Variants in SH2D7 observed in about 807,000 individuals in gnomAD.
The protein encoded by SH2D7 is SH2 domain containing 7, also known as SH2 domain-containing protein 7.
Under a neutral mutation model 40.8 loss-of-function variants are expected in SH2D7, and 32 were observed. The ratio of observed to expected loss-of-function variants is 0.78; its 90% CI spans 0.59 to 1.05. SH2D7 has a LOEUF of 1.05. SH2D7 is among the 50% of genes least tolerant of loss of function. SH2D7 has a pLI of 0.00. For synonymous variants in SH2D7, 195 were observed against 221.5 expected (o/e 0.88, Z 1.06); for missense variants, 559 against 566.6 (o/e 0.99, Z 0.14).
chr15:78,100,303 C>A (rs1009295736), intron 4 of SH2D7, among the ~76,000 whole-genome samples: 2 of 152,080 alleles, frequency 1.3e-5, no homozygotes, highest in Non-Finnish European at 2.9e-5. Flanking sequence ...GGGTTTGGGG[C>A]CACTGAGGGA....
rs533132445 is a variant in SH2D7 at position 78,093,754 on chromosome 15, A to C, written c.177-358A>C. On this transcript the variant is annotated intron_variant, in intron 1 of 5. Coordinates refer to ENST00000328828, the MANE Select transcript of SH2D7 (RefSeq NM_001101404.2). ...CTCCCCACTAAACCTCAACATCTCC[A>C]GCTGTGTGGATTTATTCTTGCTACA... Among the ~76,000 whole-genome samples, 17 of 152,346 alleles carry C rather than the reference A, an allele frequency of 1.1e-4. No individual in the cohort carries two copies. In the South Asian group the frequency reaches 3.1e-3, roughly 28 times the overall value.
At chr15:78,098,749 C>T (rs2073992940) in intron 4 of SH2D7, among the ~76,000 whole-genome samples, 153 bp downstream of exon 4, 1 of 152,222 alleles carries the variant, frequency 6.6e-6, no homozygotes, top group Non-Finnish European at 1.5e-5. Context: ...TTGGAATCAC[C>T]CAGGGTTCAC....
rs115168346 is a variant in SH2D7 at position 78,095,882 on chromosome 15, G to A, written c.266+1681G>A. Among the ~76,000 whole-genome samples the A allele has an allele frequency of 3.7e-3, 558 of 151,576 alleles. 2 individuals are homozygous for A. The highest frequency in any genetic ancestry group is 0.012 in the African/African-American group (513 of 41,166). On this transcript the variant is annotated intron_variant, in intron 2 of 5. Coordinates refer to ENST00000328828, the MANE Select transcript of SH2D7 (RefSeq NM_001101404.2). The stretch of plus-strand genomic sequence containing the variant: ...TTTGGAGACAGAGTCTCGCTCTCTC[G>A]CTCTGGCTGGAGTGCAGTGGCGCGA...
At chr15:78,098,730 G>A (rs931390738) in intron 4 of SH2D7, 134 bp downstream of exon 4, 12 of 1,069,150 alleles carry the variant, frequency 1.1e-5, no homozygotes, top group South Asian at 6.3e-5. Flanking sequence ...CCAGAGGTGC[G>A]GACCCAGCTT....
chr15:78,094,711 C>T (rs114879281), intron 2 of SH2D7, among the ~76,000 whole-genome samples: 1,657 of 152,198 alleles, frequency 0.011, 27 homozygotes, highest in African/African-American at 0.037. Context: ...AGTCTGTAGA[C>T]CATGAAGGAT....
chr15:78,102,991 A>G (rs540641413), intron 5 of SH2D7, among the ~76,000 whole-genome samples: 16 of 152,156 alleles, frequency 1.1e-4, no homozygotes, highest in East Asian at 5.8e-4. Context: ...GCAGCCTTTG[A>G]GATCCTCACT....
chr15:78,091,251 G>C (rs2073939011), upstream of SH2D7: 1 of 152,056 alleles, frequency 6.6e-6, no homozygotes, highest in Admixed American at 6.6e-5. Context: ...TTTAAGCAGG[G>C]GAAATGACAA....
intron 2 of SH2D7, among the ~76,000 whole-genome samples, chr15:78,097,546 T>C (rs1045042925): frequency 6.6e-6 from 1 of 152,196 alleles, no homozygotes. Flanking sequence ...TCATTGTGGA[T>C]TTTTTTCATA....
intron 2 of SH2D7, 104 bp from the exon 3 acceptor site, chr15:78,097,825 G>C: frequency 6.9e-7 from 1 of 1,446,976 alleles, no homozygotes; most frequent in Admixed American, 2.3e-5. Context: ...TCTGGATCAA[G>C]AGCTGGGACC....
At chr15:78,097,901 C>T (rs2141871880) in intron 2 of SH2D7, 28 bp from the exon 3 acceptor site, 2 of 1,608,534 alleles carry the variant, frequency 1.2e-6, no homozygotes, top group East Asian at 2.2e-5. Flanking sequence ...TGACCAGCAG[C>T]CCCAGACCAC....
At chr15:78,101,641 A>G (rs1596342709) in intron 5 of SH2D7, 83 bp downstream of exon 5, 1 of 1,435,000 alleles carries the variant, frequency 7.0e-7, no homozygotes, top group African/African-American at 1.4e-5. Flanking sequence ...CCCCAGGCAT[A>G]GGCAGGTCAG....
At chr15:78,099,148 C>CT (rs2073995880) in intron 4 of SH2D7, among the ~76,000 whole-genome samples, 1 of 152,034 alleles carries the variant, frequency 6.6e-6, no homozygotes, top group Non-Finnish European at 1.5e-5. Flanking sequence ...ACCCGAGGAG[C>CT]TGGGATTACA....
intron 4 of SH2D7, among the ~76,000 whole-genome samples, 192 bp from the exon 5 acceptor site, chr15:78,100,707 C>T (rs560244156): frequency 6.6e-6 from 1 of 151,644 alleles, no homozygotes. Context: ...AAAAAACAAA[C>T]AAAAAAAAGA....
upstream of SH2D7, among the ~76,000 whole-genome samples, chr15:78,090,623 C>CCATCATCATCAT (rs59098608): frequency 1.9e-4 from 28 of 146,340 alleles, no homozygotes; most frequent in Non-Finnish European, 4.0e-4. Context: ...TCTTGCATCA[C>CCATCATCATCAT]CATCATCATC....
Position 78,097,939 on chromosome 15 carries a change from C to A in SH2D7, c.277C>A (p.Arg93Ser). 1 of 1,613,656 alleles carries A rather than the reference C, an allele frequency of 6.2e-7. No individual in the cohort carries two copies. The highest frequency in any genetic ancestry group is 8.5e-7 in the Non-Finnish European group (1 of 1,179,696). The change falls in exon 3 of 6, where the codon CGC becomes AGC. Residue 93 changes from arginine to serine, a missense_variant. By Grantham distance (110) the Arg-to-Ser change is moderately radical (BLOSUM62 -1). Coordinates refer to ENST00000328828, the MANE Select transcript of SH2D7 (RefSeq NM_001101404.2). ...GYILSYRGSD[R>S]CRHFVINQLR... Reference sequence around the variant, plus strand: ...GCACTTGTGTTGCAGGGGCAGTGATCGCTGCCGACATTTTGTCATCAACCA... The same window carrying A: ...GCACTTGTGTTGCAGGGGCAGTGATAGCTGCCGACATTTTGTCATCAACCA...
Position 78,103,722 on chromosome 15 carries a change from T to C in SH2D7, c.*207T>C. The C allele has an allele frequency of 1.0e-5, 6 of 584,788 alleles. No homozygotes were observed. The South Asian group carries it at 1.1e-4, about 11-fold the overall frequency. The allele number at this position is 584,788 out of a possible 1,614,324, so 36.2% of individuals were successfully genotyped here. ...TGCAGGTGCCTGCAGCTCCTGGCTATGTCCTGCTTTCCTTGTGCCTCCCAT... is the reference window on the plus strand; with the variant it reads ...TGCAGGTGCCTGCAGCTCCTGGCTACGTCCTGCTTTCCTTGTGCCTCCCAT... On this transcript the variant is annotated 3_prime_UTR_variant, in exon 6 of 6. Transcript: ENST00000328828.
intron 3 of SH2D7, 122 bp downstream of exon 3, chr15:78,098,216 G>A: frequency 7.0e-7 from 1 of 1,421,822 alleles, no homozygotes; most frequent in Non-Finnish European, 9.4e-7. Context: ...GGGGCACTTG[G>A]TGTGGGGTCA....
chr15:78,090,623 C>CAT (rs2073934541), upstream of SH2D7, among the ~76,000 whole-genome samples: 1 of 146,340 alleles, frequency 6.8e-6, no homozygotes, highest in Non-Finnish European at 1.5e-5. Context: ...TCTTGCATCA[C>CAT]CATCATCATC....
At chr15:78,090,730 C>G (rs530405058), upstream of SH2D7, among the ~76,000 whole-genome samples, 17 of 152,210 alleles carry the variant, frequency 1.1e-4, no homozygotes, top group South Asian at 3.3e-3. Context: ...ACTAATCTAA[C>G]CTTCCTAACA....
Sources: allele counts gnomAD v4.1 joint callset (sites outside exome capture counted in the v4.1 genomes callset), GRCh38; gene constraint gnomAD v4.1.1; transcripts MANE v1.5; gene names NCBI Gene and HGNC (gene_info 2026-07-23, HGNC 2026-07-21).